The following SEMA5A variants were observed in gnomAD, a reference collection of about 807,000 sequenced individuals.
SEMA5A encodes the protein semaphorin 5A, also known as semaphorin-5A.
In SEMA5A, 55 loss-of-function variants were observed where a neutral mutation model predicts 135.5. The ratio of observed to expected loss-of-function variants is 0.41; its 90% confidence interval spans 0.33 to 0.51. The LOEUF (loss-of-function observed/expected upper bound fraction) is 0.51, where lower values mean the gene tolerates loss of function less well. SEMA5A is among the 20% of genes least tolerant of loss of function. The pLI, the probability that SEMA5A is intolerant of heterozygous loss-of-function variation, is 0.37. For synonymous variants in SEMA5A, 580 were observed against 546.5 expected, an observed-to-expected ratio of 1.06 and a Z score of -0.85; for missense variants, 1,290 against 1,419.9, an observed-to-expected ratio of 0.91 and a Z score of 1.47.
At chr5:9,486,712 A>C (rs1321482122) in intron 1 of SEMA5A, among the ~76,000 whole-genome samples, 1 of 152,152 alleles carries the variant, frequency 6.6e-6, no homozygotes, top group Admixed American at 6.5e-5. Flanking sequence ...CTATAATAAG[A>C]CAGAATGCAA....
At chr5:9,282,991 C>T (rs1750618547) in intron 5 of SEMA5A, among the ~76,000 whole-genome samples, 1 of 152,132 alleles carries the variant, frequency 6.6e-6, no homozygotes, top group South Asian at 2.1e-4. Context: ...GGGAACCAGA[C>T]CTGCCAACAC....
At chr5:9,187,322 A>G (rs745860538) in intron 11 of SEMA5A, among the ~76,000 whole-genome samples, 10 of 152,216 alleles carry the variant, frequency 6.6e-5, no homozygotes, top group Non-Finnish European at 1.5e-4. Context: ...GAAAAGATCC[A>G]CAAGTTAGTT....
intron 5 of SEMA5A, among the ~76,000 whole-genome samples, chr5:9,248,864 A>G (rs908414323): frequency 6.6e-6 from 1 of 152,186 alleles, no homozygotes; most frequent in Non-Finnish European, 1.5e-5. Flanking sequence ...TTTTAGTCGC[A>G]TAAGAATTAA....
intron 8 of SEMA5A, among the ~76,000 whole-genome samples, chr5:9,221,589 A>G (rs893701333): frequency 2.6e-5 from 4 of 152,156 alleles, no homozygotes; most frequent in East Asian, 1.9e-4. Context: ...GGCGTGAGCC[A>G]CCGCGCCTGG....
In SEMA5A at chr5:9,108,055, T is replaced by C; in HGVS notation, c.2073+85A>G. 2.7e-6 allele frequency: 4 copies of C among 1,479,676 alleles called. No homozygotes were observed. The South Asian group carries it at 5.2e-5, about 19-fold the overall frequency. The allele number at this position is 1,479,676 out of a possible 1,614,324, so 91.7% of individuals were successfully genotyped here. ...GAACATTTATTGTTTGCAGAACATCTAGTGTGTGCAGAGAATTTTGTGTGT... is the reference window on the plus strand; with the variant it reads ...GAACATTTATTGTTTGCAGAACATCCAGTGTGTGCAGAGAATTTTGTGTGT... On this transcript the variant is annotated intron_variant, in intron 16 of 22. Transcript: ENST00000382496.
chr5:9,063,319 G>A (rs1737285593), intron 17 of SEMA5A, among the ~76,000 whole-genome samples: 1 of 152,160 alleles, frequency 6.6e-6, no homozygotes, highest in Non-Finnish European at 1.5e-5. Flanking sequence ...ATGAAATAAG[G>A]TTGAAATTAA....
intron 5 of SEMA5A, among the ~76,000 whole-genome samples, chr5:9,251,342 A>G (rs1748774846): frequency 6.6e-6 from 1 of 152,168 alleles, no homozygotes; most frequent in East Asian, 1.9e-4. Context: ...GAAAAGAGCC[A>G]TGCTATTAAA....
At chr5:9,089,872 T>G (rs1012127374) in intron 16 of SEMA5A, among the ~76,000 whole-genome samples, 1 of 152,230 alleles carries the variant, frequency 6.6e-6, no homozygotes. Context: ...ACTTATCAAA[T>G]GTTTATTCTA....
chr5:9,251,316 A>T (rs1380110122), intron 5 of SEMA5A, among the ~76,000 whole-genome samples: 2 of 152,152 alleles, frequency 1.3e-5, no homozygotes, highest in Non-Finnish European at 2.9e-5. Context: ...TAGACATCAC[A>T]TCTGAGAAAA....
intron 1 of SEMA5A, chr5:9,523,042 A>T (rs866534490): frequency 6.6e-6 from 1 of 152,230 alleles, no homozygotes; most frequent in South Asian, 2.1e-4. Context: ...TCATGTACAC[A>T]GCTAATAAGA....
intron 4 of SEMA5A, among the ~76,000 whole-genome samples, chr5:9,332,465 G>A (rs1328869363): frequency 6.6e-6 from 1 of 151,608 alleles, no homozygotes; most frequent in Non-Finnish European, 1.5e-5. Flanking sequence ...TGTGAGGCAT[G>A]CAGCTATAGG....
chr5:9,245,546 T>C (rs1048894263), intron 5 of SEMA5A, among the ~76,000 whole-genome samples: 2 of 152,128 alleles, frequency 1.3e-5, no homozygotes, highest in Non-Finnish European at 2.9e-5. Context: ...TTTATAAAAA[T>C]TAATAGTTAT....
At chr5:9,381,942 T>TTGTGTGTGTGTGTGTGTGTG (rs148157627) in intron 2 of SEMA5A, among the ~76,000 whole-genome samples, 37 of 109,374 alleles carry the variant, frequency 3.4e-4, no homozygotes, top group South Asian at 1.3e-3. Flanking sequence ...TAGAATCATT[T>TTGTGTGTGTGTGTGTGTGTG]TGTGTGTGTG....
chr5:9,457,276 G>C (rs1579572275), intron 1 of SEMA5A, among the ~76,000 whole-genome samples: 1 of 152,204 alleles, frequency 6.6e-6, no homozygotes, highest in African/African-American at 2.4e-5. Flanking sequence ...CAGAGGAGTA[G>C]AAATCGCACC....
chr5:9,529,314 G>A (rs886820432), intron 1 of SEMA5A, among the ~76,000 whole-genome samples: 4 of 152,188 alleles, frequency 2.6e-5, no homozygotes, highest in African/African-American at 9.6e-5. Flanking sequence ...CTCCCCAGCT[G>A]CCAGGCTTCT....
At chr5:9,288,421 C>G (rs6895802) in intron 5 of SEMA5A, among the ~76,000 whole-genome samples, 13,807 of 152,200 alleles carry the variant, frequency 0.091, 1,814 homozygotes, top group African/African-American at 0.29. Flanking sequence ...TCCCCTTTCT[C>G]CCACAGGCCT....
At chr5:9,444,995 A>G (rs539969189) in intron 1 of SEMA5A, among the ~76,000 whole-genome samples, 1 of 152,340 alleles carries the variant, frequency 6.6e-6, no homozygotes, top group South Asian at 2.1e-4. Flanking sequence ...CTTACACAAA[A>G]TGTGGGACAA....
chr5:9,113,865 G>C (rs1171479623), intron 15 of SEMA5A, among the ~76,000 whole-genome samples: 1 of 152,178 alleles, frequency 6.6e-6, no homozygotes, highest in African/African-American at 2.4e-5. Context: ...CATTGGTGAA[G>C]TCTCTTTAGA....
rs776097189 is a variant in SEMA5A at position 9,136,513 on chromosome 5, A to G, written c.1590T>C (p.Ser530=). The change falls in exon 13 of 23, where the codon TCT becomes TCC. Residue 530 remains serine, a synonymous_variant. Transcript: ENST00000382496. The stretch of plus-strand genomic sequence containing the variant: ...GAAGGTGGGCACTCACCGGACACGC[A>G]GAGATGCTCTGTTCCCACTGCGTCA... ...LSMTQWEQSI[S]ACPTRNLTVD... is the part of the protein sequence containing the mutation. 9 of 1,612,898 alleles carry G rather than the reference A, an allele frequency of 5.6e-6. No individual in the cohort carries two copies. Among genetic ancestry groups the G allele is most frequent in the Middle Eastern group, 1.6e-4 (1 of 6,062 alleles).
Sources: gnomAD v4.1 joint callset for allele counts (sites outside exome capture counted in the v4.1 genomes callset) on GRCh38, gnomAD v4.1.1 for gene constraint, MANE v1.5 for transcripts, NCBI Gene and HGNC (gene_info 2026-07-23, HGNC 2026-07-21) for gene names.